EXOC2: variants seen among roughly 807,000 people sequenced by gnomAD.
EXOC2 encodes the protein SEC5-like 1.
EXOC2 carries 70 observed loss-of-function variants against 131.8 expected under a neutral mutation model. The ratio of observed to expected loss-of-function variants is 0.53; its 90% CI spans 0.44 to 0.65. EXOC2 has a LOEUF of 0.65. Ranked by LOEUF, EXOC2 falls within the 30% of genes least tolerant of loss-of-function variation. The pLI, the probability that EXOC2 is intolerant of heterozygous loss-of-function variation, is 0.00. For missense variants in EXOC2, 923 were observed against 1,108.6 expected (o/e 0.83, Z 2.38); for synonymous variants, 411 against 398.4 (o/e 1.03, Z -0.38).
At chr6:638,422 G>T (rs1242643750) in intron 1 of EXOC2, among the ~76,000 whole-genome samples, 1 of 152,216 alleles carries the variant, frequency 6.6e-6, no homozygotes, top group South Asian at 2.1e-4. Flanking sequence ...GCTAGCTGTT[G>T]TGAGTATAAC....
At chr6:592,435 G>T in intron 11 of EXOC2, 34 bp downstream of exon 11, 1 of 1,545,592 alleles carries the variant, frequency 6.5e-7, no homozygotes, top group Non-Finnish European at 8.9e-7. Flanking sequence ...TGACATGAAG[G>T]AATCACACAA....
chr6:528,306 T>C (rs1423680068), intron 23 of EXOC2, among the ~76,000 whole-genome samples: 1 of 152,204 alleles, frequency 6.6e-6, no homozygotes, highest in African/African-American at 2.4e-5. Context: ...ATTTGCAAAA[T>C]TCAGTTTCTG....
At chr6:589,484 T>C (rs988307315) in intron 11 of EXOC2, among the ~76,000 whole-genome samples, 3 of 152,238 alleles carry the variant, frequency 2.0e-5, no homozygotes, top group Non-Finnish European at 2.9e-5. Context: ...AAAACTTCCC[T>C]GGACTTCCCC....
At chr6:631,778 A>G (rs566433860) in intron 3 of EXOC2, among the ~76,000 whole-genome samples, 1 of 152,186 alleles carries the variant, frequency 6.6e-6, no homozygotes, top group Non-Finnish European at 1.5e-5. Flanking sequence ...AAATAAAAAG[A>G]GTAAACAAAA....
At chr6:533,284 T>C (rs1004985326) in intron 22 of EXOC2, among the ~76,000 whole-genome samples, 1 of 152,196 alleles carries the variant, frequency 6.6e-6, no homozygotes, top group Non-Finnish European at 1.5e-5. Context: ...AAATACTAAA[T>C]TGTAATAGCC....
chr6:670,120 T>G (rs558682257), intron 1 of EXOC2: 1 of 152,270 alleles, frequency 6.6e-6, no homozygotes, highest in South Asian at 2.1e-4. Context: ...ATCGTACTTT[T>G]GCGTACGTTG....
At chr6:627,952 T>A in intron 4 of EXOC2, among the ~76,000 whole-genome samples, 1 of 152,360 alleles carries the variant, frequency 6.6e-6, no homozygotes, top group Non-Finnish European at 1.5e-5. Context: ...TATTTTAAAA[T>A]TTTAAAACAC....
intron 1 of EXOC2, among the ~76,000 whole-genome samples, chr6:691,968 G>A (rs992769803): frequency 1.3e-5 from 2 of 152,186 alleles, no homozygotes; most frequent in Non-Finnish European, 2.9e-5. Flanking sequence ...TCATCTTTGA[G>A]AAGATTCTGG....
intron 1 of EXOC2, chr6:656,218 G>C (rs764469644): frequency 6.2e-7 from 1 of 1,614,188 alleles, no homozygotes; most frequent in South Asian, 1.1e-5. Context: ...TGTATTTGCT[G>C]TCCCTCCAAA....
intron 11 of EXOC2, among the ~76,000 whole-genome samples, chr6:581,626 T>C (rs1243741111): frequency 1.3e-5 from 2 of 152,164 alleles, no homozygotes; most frequent in Non-Finnish European, 2.9e-5. Flanking sequence ...ATTCTTAGGA[T>C]CTAGCTATAT....
chr6:634,281 C>T (rs367930487), intron 2 of EXOC2, among the ~76,000 whole-genome samples: 1 of 152,104 alleles, frequency 6.6e-6, no homozygotes, highest in Non-Finnish European at 1.5e-5. Flanking sequence ...GACACAGTTT[C>T]GTCATGCTGG....
intron 22 of EXOC2, among the ~76,000 whole-genome samples, chr6:546,315 C>A (rs1254434480): frequency 6.6e-6 from 1 of 152,176 alleles, no homozygotes; most frequent in Admixed American, 6.5e-5. Flanking sequence ...CTTCTGGATT[C>A]AGACAGCACC....
intron 23 of EXOC2, among the ~76,000 whole-genome samples, chr6:500,552 G>A (rs6939036): frequency 0.48 from 72,371 of 152,006 alleles, 18,451 homozygotes; most frequent in East Asian, 0.65. Context: ...TGAGGATGAA[G>A]GGGGATGCAT....
intron 5 of EXOC2, among the ~76,000 whole-genome samples, chr6:619,050 G>C (rs967974897): frequency 6.6e-6 from 1 of 152,206 alleles, no homozygotes; most frequent in African/African-American, 2.4e-5. Flanking sequence ...CCTATGGTCA[G>C]AGAAGGCAGT....
intron 3 of EXOC2, among the ~76,000 whole-genome samples, chr6:631,470 G>A (rs561886796): frequency 5.7e-4 from 87 of 152,078 alleles, no homozygotes; most frequent in African/African-American, 1.7e-3. Context: ...CCTGGGAGGC[G>A]GAGGTTGCAG....
intron 4 of EXOC2, among the ~76,000 whole-genome samples, chr6:627,690 C>T (rs1166831650): frequency 6.6e-6 from 1 of 151,994 alleles, no homozygotes; most frequent in African/African-American, 2.4e-5. Context: ...CTGGACTTTC[C>T]TTTGGGCTGG....
At chr6:498,821 C>G (rs759467444) in intron 24 of EXOC2, among the ~76,000 whole-genome samples, 1 of 152,136 alleles carries the variant, frequency 6.6e-6, no homozygotes, top group Non-Finnish European at 1.5e-5. Context: ...CAAGAGGCAC[C>G]TGGGCAACGG....
In EXOC2 at chr6:499,626, A is replaced by C. The variant is rs766787804; in HGVS notation, c.2436+19T>G. On this transcript the variant is annotated intron_variant, in intron 24 of 27. Coordinates refer to ENST00000230449, the MANE Select transcript of EXOC2 (RefSeq NM_018303.6). ...TTTTGGTTATCCATATCTCTTAGGA[A>C]CATCTAATGATACTTTACCTCTGCA... The C allele has an allele frequency of 3.1e-6, 5 of 1,605,956 alleles. No individual in the cohort carries two copies. The highest frequency in any genetic ancestry group is 4.3e-6 in the Non-Finnish European group (5 of 1,173,822).
At chr6:535,623 G>C (rs2473484) in intron 22 of EXOC2, among the ~76,000 whole-genome samples, 29,832 of 152,116 alleles carry the variant, frequency 0.2, 3,981 homozygotes, top group African/African-American at 0.38. Context: ...ACTGGCACAA[G>C]TAGTCCTATA....
Sources: allele counts gnomAD v4.1 joint callset (sites outside exome capture counted in the v4.1 genomes callset), GRCh38; gene constraint gnomAD v4.1.1; transcripts MANE v1.5; gene names NCBI Gene and HGNC (gene_info 2026-07-23, HGNC 2026-07-21).